HCRTR2: variants seen among roughly 807,000 people sequenced by gnomAD.
HCRTR2 encodes the protein hypocretin receptor 2.
In HCRTR2, 22 loss-of-function variants were observed where a neutral mutation model predicts 49.0. That is an observed-to-expected ratio of 0.45 (90% CI 0.32 to 0.64). The LOEUF is 0.64. HCRTR2 is among the 30% of genes least tolerant of loss of function. HCRTR2 has a pLI of 0.04. For missense variants in HCRTR2, 491 were observed against 559.4 expected (o/e 0.88, Z 1.23); for synonymous variants, 236 against 205.3 (o/e 1.15, Z -1.28).
intron 1 of HCRTR2, among the ~76,000 whole-genome samples, chr6:55,123,302 C>A (rs1182643413): frequency 6.6e-6 from 1 of 151,934 alleles, no homozygotes; most frequent in Non-Finnish European, 1.5e-5. Context: ...CATGTTCCAT[C>A]AATACCTAGT....
At chr6:55,153,365 C>T (rs1764687901) in intron 1 of HCRTR2, among the ~76,000 whole-genome samples, 1 of 151,948 alleles carries the variant, frequency 6.6e-6, no homozygotes, top group African/African-American at 2.4e-5. Context: ...TAAGGTATAG[C>T]TTTTTGCTCC....
At chr6:55,147,528 A>C (rs981043053) in intron 1 of HCRTR2, among the ~76,000 whole-genome samples, 10 of 152,152 alleles carry the variant, frequency 6.6e-5, no homozygotes, top group Non-Finnish European at 1.5e-4. Context: ...AGGGTATTGA[A>C]ACAGACACAG....
In HCRTR2 at chr6:55,245,469, T is replaced by TATATATATA. The variant is rs1562020342; in HGVS notation, c.224-3170_224-3169insATATATATA. On this transcript the variant is annotated intron_variant, in intron 1 of 6. Coordinates refer to ENST00000370862, the MANE Select transcript of HCRTR2 (RefSeq NM_001384272.1). ...TACACATAGAATACATAGGAAGATT[T>TATATATATA]TATATATATATATATATATATATAT... 4.5e-3 allele frequency among the ~76,000 whole-genome samples: 257 copies of TATATATATA among 56,742 alleles called. 4 individuals are homozygous for TATATATATA. Among genetic ancestry groups the TATATATATA allele is most frequent in the Middle Eastern group, 0.01 (1 of 98 alleles). The allele number at this position is 56,742 out of a possible 152,430, so 37.2% of individuals were successfully genotyped here. A position where few individuals can be genotyped will look rare whatever the true frequency, so the allele number is the denominator to read the frequency against.
At chr6:55,216,752 G>T (rs1471595534) in intron 1 of HCRTR2, among the ~76,000 whole-genome samples, 3 of 152,116 alleles carry the variant, frequency 2.0e-5, no homozygotes, top group Admixed American at 2.0e-4. Context: ...TTCCCAGGTG[G>T]GCACTGCACA....
intron 1 of HCRTR2, among the ~76,000 whole-genome samples, chr6:55,201,163 T>C (rs1765507017): frequency 6.6e-6 from 1 of 152,146 alleles, no homozygotes; most frequent in Non-Finnish European, 1.5e-5. Context: ...ACTTTTTGGA[T>C]TTTGGATTAA....
intron 1 of HCRTR2, among the ~76,000 whole-genome samples, chr6:55,164,124 A>G (rs1466362233): frequency 1.3e-5 from 2 of 152,330 alleles, no homozygotes; most frequent in Non-Finnish European, 1.5e-5. Flanking sequence ...TCAGGAAACA[A>G]CAGATGCTGG....
At chr6:55,116,100 C>A (rs1764112352) in intron 1 of HCRTR2, among the ~76,000 whole-genome samples, 1 of 151,294 alleles carries the variant, frequency 6.6e-6, no homozygotes, top group African/African-American at 2.4e-5. Flanking sequence ...TTGGCTTGTG[C>A]TGTGGTAATA....
intron 1 of HCRTR2, among the ~76,000 whole-genome samples, chr6:55,145,213 GTTTTC>G (rs1764562780): frequency 6.6e-6 from 1 of 152,098 alleles, no homozygotes; most frequent in African/African-American, 2.4e-5. Flanking sequence ...AATGGTCTTA[GTTTTC>G]TTTTCTCAAC....
intron 4 of HCRTR2, 200 bp downstream of exon 4, chr6:55,264,022 G>A (rs1766818433): frequency 3.6e-6 from 2 of 549,652 alleles, no homozygotes; most frequent in East Asian, 3.1e-5. Flanking sequence ...CCCAGACATA[G>A]AAATATGTCT....
At chr6:55,234,027 C>A (rs774968942) in intron 1 of HCRTR2, among the ~76,000 whole-genome samples, 14 of 152,066 alleles carry the variant, frequency 9.2e-5, no homozygotes, top group Non-Finnish European at 1.6e-4. Context: ...TTAATGTGAT[C>A]CATCCTATTA....
chr6:55,234,174 T>A (rs1459744831), intron 1 of HCRTR2, among the ~76,000 whole-genome samples: 1 of 152,184 alleles, frequency 6.6e-6, no homozygotes, highest in Non-Finnish European at 1.5e-5. Flanking sequence ...TATTGAGTTA[T>A]TTTCTTCTCT....
intron 1 of HCRTR2, among the ~76,000 whole-genome samples, chr6:55,222,873 T>C (rs990873280): frequency 5.9e-5 from 9 of 152,168 alleles, no homozygotes; most frequent in Admixed American, 6.5e-5. Context: ...ATAATATGCA[T>C]ATAATGAACA....
chr6:55,171,729 G>A (rs1273316516), upstream of HCRTR2, among the ~76,000 whole-genome samples: 1 of 152,094 alleles, frequency 6.6e-6, no homozygotes, highest in Non-Finnish European at 1.5e-5. Flanking sequence ...ATAAAATCTT[G>A]AAAATATTTT....
At chr6:55,224,301 T>A (rs1765954351) in intron 1 of HCRTR2, among the ~76,000 whole-genome samples, 1 of 152,148 alleles carries the variant, frequency 6.6e-6, no homozygotes, top group East Asian at 1.9e-4. Flanking sequence ...AGAATCAATC[T>A]AAGTGCCCAT....
intron 1 of HCRTR2, among the ~76,000 whole-genome samples, chr6:55,118,221 G>T (rs1449586459): frequency 1.3e-5 from 2 of 151,766 alleles, no homozygotes; most frequent in Non-Finnish European, 2.9e-5. Flanking sequence ...TTCCTATAAA[G>T]GATATGATCT....
chr6:55,202,626 G>A (rs969377021), intron 1 of HCRTR2, among the ~76,000 whole-genome samples: 3 of 152,096 alleles, frequency 2.0e-5, no homozygotes, highest in South Asian at 2.1e-4. Context: ...CATGATAGAA[G>A]GGGCAAAGGA....
intron 1 of HCRTR2, among the ~76,000 whole-genome samples, chr6:55,185,362 A>G (rs1765199581): frequency 1.3e-5 from 2 of 152,210 alleles, no homozygotes; most frequent in Non-Finnish European, 2.9e-5. Context: ...CCTGAAAATC[A>G]GTAAGATTAC....
chr6:55,236,291 G>T (rs1264299630), intron 1 of HCRTR2, among the ~76,000 whole-genome samples: 3 of 151,410 alleles, frequency 2.0e-5, no homozygotes, highest in African/African-American at 4.9e-5. Context: ...TTTTCTAGTT[G>T]TTTTTATTTA....
intron 1 of HCRTR2, among the ~76,000 whole-genome samples, chr6:55,211,903 C>T (rs1214189454): frequency 7.2e-5 from 11 of 152,222 alleles, no homozygotes; most frequent in Middle Eastern, 3.4e-3. Context: ...ATTTGATCAG[C>T]GACACCTTGC....
Sources: allele counts gnomAD v4.1 joint callset (sites outside exome capture counted in the v4.1 genomes callset), GRCh38; gene constraint gnomAD v4.1.1; transcripts MANE v1.5; gene names NCBI Gene and HGNC (gene_info 2026-07-23, HGNC 2026-07-21).